Variants in GALNT13 observed in about 807,000 individuals in gnomAD.
GALNT13 encodes the protein polypeptide N-acetylgalactosaminyltransferase 13.
GALNT13 carries 28 observed loss-of-function variants against 64.2 expected under a neutral mutation model. The observed-to-expected ratio is 0.44, with a 90% CI of 0.32 to 0.60. GALNT13 has a LOEUF of 0.60. Among genes scored for constraint, GALNT13 ranks in the 20% least tolerant of loss-of-function variants. The probability of loss-of-function intolerance (pLI) is 0.05; values close to 1 mark genes in which losing one functional copy is unlikely to be tolerated. For missense variants in GALNT13, 577 were observed against 669.8 expected (o/e 0.86, Z 1.53); for synonymous variants, 214 against 224.6 (o/e 0.95, Z 0.42).
chr2:153,223,009 T>C, the GALNT13 span, among the ~76,000 whole-genome samples: 1 of 152,212 alleles, frequency 6.6e-6, no homozygotes, highest in South Asian at 2.1e-4. Flanking sequence ...CCCGGCCTGC[T>C]GGCTCAGTGG....
chr2:153,069,476 T>C, the GALNT13 span, among the ~76,000 whole-genome samples: 2 of 152,170 alleles, frequency 1.3e-5, no homozygotes, highest in African/African-American at 4.8e-5. Context: ...TTGGAAGTAT[T>C]TCCCCATGTA....
At chr2:153,438,682 C>T in the GALNT13 span, among the ~76,000 whole-genome samples, 11 of 152,126 alleles carry the variant, frequency 7.2e-5, no homozygotes, top group Admixed American at 2.6e-4. Context: ...TCCATCAGGT[C>T]CTTTAAGGAC....
intron 8 of GALNT13, among the ~76,000 whole-genome samples, chr2:154,269,904 G>GTATATATA (rs1404105316): frequency 1.5e-4 from 2 of 13,166 alleles, no homozygotes; most frequent in African/African-American, 1.0e-4. Flanking sequence ...TTATATATAT[G>GTATATATA]TGTATATATA....
At chr2:153,764,797 C>A in the GALNT13 span, among the ~76,000 whole-genome samples, 1 of 152,208 alleles carries the variant, frequency 6.6e-6, no homozygotes, top group Non-Finnish European at 1.5e-5. Context: ...AGGCCCAGGG[C>A]CCCCTGCTGT....
the GALNT13 span, among the ~76,000 whole-genome samples, chr2:153,631,385 C>T: frequency 6.6e-6 from 1 of 152,208 alleles, no homozygotes; most frequent in African/African-American, 2.4e-5. Context: ...GGAATCACCA[C>T]ACTGTCCTCC....
intron 9 of GALNT13, among the ~76,000 whole-genome samples, chr2:154,394,077 C>CAAAAAAAAAAAAAAA (rs369267777): frequency 1.2e-4 from 4 of 32,008 alleles, no homozygotes; most frequent in Non-Finnish European, 1.5e-4. Context: ...GACTCCGTCT[C>CAAAAAAAAAAAAAAA]AAAAAAAAAA....
At chr2:154,019,881 G>A (rs1330170494) in intron 3 of GALNT13, among the ~76,000 whole-genome samples, 1 of 145,616 alleles carries the variant, frequency 6.9e-6, no homozygotes, top group Non-Finnish European at 1.5e-5. Flanking sequence ...TCCCCAGAGT[G>A]TGATGTTCCC....
At chr2:153,078,172 G>A in the GALNT13 span, among the ~76,000 whole-genome samples, 1 of 151,614 alleles carries the variant, frequency 6.6e-6, no homozygotes, top group African/African-American at 2.4e-5. Flanking sequence ...ATAAATGAAT[G>A]CTGTGTATTT....
intron 3 of GALNT13, among the ~76,000 whole-genome samples, chr2:154,026,463 C>T (rs1469250527): frequency 6.6e-6 from 1 of 152,114 alleles, no homozygotes; most frequent in East Asian, 1.9e-4. Flanking sequence ...GCTGCCATCA[C>T]AGAATATCAC....
At chr2:154,365,696 C>T (rs1402114912) in intron 9 of GALNT13, among the ~76,000 whole-genome samples, 1 of 152,168 alleles carries the variant, frequency 6.6e-6, no homozygotes, top group Non-Finnish European at 1.5e-5. Context: ...TGGCTTAAGT[C>T]ATCGACTTAG....
the GALNT13 span, among the ~76,000 whole-genome samples, chr2:153,221,305 C>T: frequency 6.6e-6 from 1 of 152,144 alleles, no homozygotes; most frequent in Admixed American, 6.5e-5. Flanking sequence ...CATACGTACA[C>T]ACCCAAATCG....
intron 8 of GALNT13, among the ~76,000 whole-genome samples, chr2:154,288,406 T>G (rs1692403002): frequency 6.6e-6 from 1 of 152,162 alleles, no homozygotes; most frequent in East Asian, 1.9e-4. Context: ...GTCCTCACAT[T>G]TCAAAACCAA....
At chr2:154,246,291 TA>T (rs1342665997) in intron 7 of GALNT13, among the ~76,000 whole-genome samples, 2 of 152,110 alleles carry the variant, frequency 1.3e-5, no homozygotes, top group Non-Finnish European at 2.9e-5. Flanking sequence ...ACACTTCAAG[TA>T]AATGTGTGTC....
intron 3 of GALNT13, among the ~76,000 whole-genome samples, chr2:154,035,400 C>G (rs1049956349): frequency 6.6e-6 from 1 of 151,930 alleles, no homozygotes; most frequent in African/African-American, 2.4e-5. Flanking sequence ...TTTAAATTAA[C>G]CCCGGAAGTA....
chr2:153,365,732 A>T, the GALNT13 span, among the ~76,000 whole-genome samples: 1 of 152,204 alleles, frequency 6.6e-6, no homozygotes, highest in Non-Finnish European at 1.5e-5. Context: ...ATTATTAAAA[A>T]GTCAAGAAAT....
chr2:153,388,683 G>A, the GALNT13 span, among the ~76,000 whole-genome samples: 6 of 151,876 alleles, frequency 4.0e-5, no homozygotes, highest in East Asian at 9.7e-4. Flanking sequence ...ACAAAGGAAA[G>A]AATAGGAGGA....
chr2:153,750,718 T>C, the GALNT13 span, among the ~76,000 whole-genome samples: 725 of 152,000 alleles, frequency 4.8e-3, 8 homozygotes, highest in African/African-American at 0.016. Flanking sequence ...TCTCATTTTT[T>C]CTTTGTCTGG....
chr2:154,173,386 A>G (rs1573806862), intron 4 of GALNT13, among the ~76,000 whole-genome samples: 2 of 151,570 alleles, frequency 1.3e-5, no homozygotes, highest in East Asian at 1.9e-4. Flanking sequence ...AATTAAATTA[A>G]ATTAAATTAA....
the GALNT13 span, among the ~76,000 whole-genome samples, chr2:153,282,139 T>C: frequency 9.9e-5 from 15 of 152,064 alleles, no homozygotes; most frequent in African/African-American, 3.6e-4. Flanking sequence ...TCTGACTGGG[T>C]TTAAAATTCT....
Sources: allele counts gnomAD v4.1 joint callset (sites outside exome capture counted in the v4.1 genomes callset), GRCh38; gene constraint gnomAD v4.1.1; transcripts MANE v1.5; gene names NCBI Gene and HGNC (gene_info 2026-07-23, HGNC 2026-07-21).